Variants in SSBP2 observed in about 807,000 individuals in gnomAD.
The protein encoded by SSBP2 is single stranded DNA binding protein 2.
SSBP2 carries 17 observed loss-of-function variants against 61.8 expected under a neutral mutation model. The observed-to-expected ratio is 0.28, with a 90% CI of 0.19 to 0.41. The LOEUF (loss-of-function observed/expected upper bound fraction) is 0.41, where lower values mean the gene tolerates loss of function less well. Ranked by LOEUF, SSBP2 falls within the 10% of genes least tolerant of loss-of-function variation. The pLI is 1.00. For synonymous variants in SSBP2, 139 were observed against 141.3 expected (o/e 0.98, Z 0.12); for missense variants, 310 against 458.7 (o/e 0.68, Z 2.96).
rs764533218 is a variant in SSBP2 at position 81,440,622 on chromosome 5, A to G, written c.864T>C (p.Pro288=). Residue 288 remains proline (P), a synonymous_variant, in exon 14 of 17, where the codon CCT becomes CCC. Transcript: ENST00000320672. ...ATCCACCCATGGGACCATCTGACCC[A>G]GGACCCATTGGAAACTATTTTAAAA... 1.2e-6 allele frequency: 2 copies of G among 1,605,530 alleles called. No individual in the cohort carries two copies. The highest frequency in any genetic ancestry group is 4.5e-5 in the East Asian group (2 of 44,808).
intron 5 of SSBP2, among the ~76,000 whole-genome samples, chr5:81,512,263 C>T (rs1215146872): frequency 6.6e-6 from 1 of 152,098 alleles, no homozygotes; most frequent in Non-Finnish European, 1.5e-5. Context: ...GAATTCAAGC[C>T]CTGTAACTTT....
chr5:81,454,007 G>A (rs1190797844), intron 10 of SSBP2, among the ~76,000 whole-genome samples: 1 of 152,202 alleles, frequency 6.6e-6, no homozygotes, highest in Non-Finnish European at 1.5e-5. Context: ...GGACTTTCAT[G>A]GGAACTGAAA....
intron 14 of SSBP2, among the ~76,000 whole-genome samples, chr5:81,439,395 C>T (rs1053204272): frequency 1.7e-4 from 26 of 152,132 alleles, no homozygotes; most frequent in African/African-American, 6.3e-4. Flanking sequence ...TGACCTAGTC[C>T]ATTTTGCAAC....
At chr5:81,527,468 T>G (rs900069165) in intron 4 of SSBP2, among the ~76,000 whole-genome samples, 3 of 151,962 alleles carry the variant, frequency 2.0e-5, no homozygotes, top group Non-Finnish European at 2.9e-5. Context: ...ATTGCAGTAG[T>G]GCAATGAAAT....
At chr5:81,742,313 T>C (rs1459010792) in intron 1 of SSBP2, among the ~76,000 whole-genome samples, 4 of 152,194 alleles carry the variant, frequency 2.6e-5, no homozygotes, top group Admixed American at 1.3e-4. Context: ...GAATACTAAA[T>C]GCCCATATTA....
chr5:81,637,379 T>C (rs1748337245), intron 2 of SSBP2, among the ~76,000 whole-genome samples: 1 of 152,252 alleles, frequency 6.6e-6, no homozygotes, highest in Non-Finnish European at 1.5e-5. Flanking sequence ...TTCTGTGTGC[T>C]GTTGTTGCTT....
chr5:81,498,501 T>C (rs1316407825), intron 5 of SSBP2, among the ~76,000 whole-genome samples: 1 of 152,026 alleles, frequency 6.6e-6, no homozygotes, highest in Non-Finnish European at 1.5e-5. Context: ...AAAACATAAT[T>C]TTATAAAATG....
intron 4 of SSBP2, among the ~76,000 whole-genome samples, chr5:81,522,922 A>T (rs1441038091): frequency 6.6e-6 from 1 of 152,104 alleles, no homozygotes; most frequent in African/African-American, 2.4e-5. Flanking sequence ...CAAAAGAGCA[A>T]GAGAGAGACC....
chr5:81,591,926 A>T (rs1475351898), intron 4 of SSBP2, among the ~76,000 whole-genome samples: 1 of 152,238 alleles, frequency 6.6e-6, no homozygotes, highest in Non-Finnish European at 1.5e-5. Context: ...AAAATGGGTG[A>T]TTTCTGCATT....
intron 5 of SSBP2, among the ~76,000 whole-genome samples, chr5:81,512,438 T>A (rs548251773): frequency 6.6e-6 from 1 of 152,318 alleles, no homozygotes; most frequent in Admixed American, 6.5e-5. Flanking sequence ...AGTTGTTAAG[T>A]GTAAGCTTTT....
At chr5:81,591,309 A>T (rs1459220413) in intron 4 of SSBP2, among the ~76,000 whole-genome samples, 3 of 152,216 alleles carry the variant, frequency 2.0e-5, no homozygotes, top group Non-Finnish European at 2.9e-5. Flanking sequence ...GAAAAAGAGG[A>T]GGCATGCCAA....
At chr5:81,616,781 TGG>T (rs1276459584) in intron 3 of SSBP2, among the ~76,000 whole-genome samples, 1 of 151,702 alleles carries the variant, frequency 6.6e-6, no homozygotes, top group Non-Finnish European at 1.5e-5. Context: ...CCTCCTCAAG[TGG>T]GTCCCTGACC....
intron 5 of SSBP2, among the ~76,000 whole-genome samples, chr5:81,503,560 G>C (rs1170764886): frequency 6.6e-6 from 1 of 152,180 alleles, no homozygotes; most frequent in African/African-American, 2.4e-5. Flanking sequence ...AATCATTGTG[G>C]AAAGCACTGT....
intron 4 of SSBP2, among the ~76,000 whole-genome samples, chr5:81,530,237 G>A (rs144842224): frequency 7.5e-4 from 114 of 152,156 alleles, no homozygotes; most frequent in African/African-American, 2.7e-3. Flanking sequence ...GGGATTAAAC[G>A]AGTTAATATA....
At chr5:81,444,311 G>T (rs1303885808) in intron 12 of SSBP2, among the ~76,000 whole-genome samples, 2 of 152,008 alleles carry the variant, frequency 1.3e-5, no homozygotes, top group Non-Finnish European at 1.5e-5. Context: ...CCATGATTTT[G>T]TTCTTTCTTC....
At chr5:81,637,576 C>T (rs1224712299) in intron 2 of SSBP2, among the ~76,000 whole-genome samples, 1 of 152,180 alleles carries the variant, frequency 6.6e-6, no homozygotes, top group Non-Finnish European at 1.5e-5. Flanking sequence ...AACTTTCCTA[C>T]ATACTAGCTG....
chr5:81,518,257 G>A (rs1302824517), intron 4 of SSBP2, among the ~76,000 whole-genome samples: 2 of 152,144 alleles, frequency 1.3e-5, no homozygotes, highest in Non-Finnish European at 2.9e-5. Context: ...CTGAGCAGGG[G>A]ATTATAGATT....
chr5:81,434,847 T>C (rs1402185423), intron 15 of SSBP2, among the ~76,000 whole-genome samples: 1 of 152,140 alleles, frequency 6.6e-6, no homozygotes, highest in African/African-American at 2.4e-5. Flanking sequence ...AGTTAGTGAC[T>C]GTGACTGTGT....
chr5:81,709,359 C>T (rs1410306104), intron 1 of SSBP2, among the ~76,000 whole-genome samples: 1 of 151,938 alleles, frequency 6.6e-6, no homozygotes, highest in African/African-American at 2.4e-5. Flanking sequence ...TGATCTCTTT[C>T]ACCTTTCTTT....
Sources: allele counts gnomAD v4.1 joint callset (sites outside exome capture counted in the v4.1 genomes callset), GRCh38; gene constraint gnomAD v4.1.1; transcripts MANE v1.5; gene names NCBI Gene and HGNC (gene_info 2026-07-23, HGNC 2026-07-21).